TUBGCP3: variants seen among roughly 807,000 people sequenced by gnomAD.
The protein encoded by TUBGCP3 is tubulin gamma complex component 3.
In TUBGCP3, 50 loss-of-function variants were observed where a neutral mutation model predicts 123.1. That is an observed-to-expected ratio of 0.41 (90% CI 0.32 to 0.51). The LOEUF is 0.51. TUBGCP3 is among the 20% of genes least tolerant of loss of function. TUBGCP3 has a pLI of 0.36. For missense variants in TUBGCP3, 882 were observed against 1,127.0 expected, an observed-to-expected ratio of 0.78 and a Z score of 3.11; for synonymous variants, 405 against 413.9, an observed-to-expected ratio of 0.98 and a Z score of 0.26.
At chr13:112,562,066 G>C (rs1208884844) in intron 3 of TUBGCP3, among the ~76,000 whole-genome samples, 1 of 151,722 alleles carries the variant, frequency 6.6e-6, no homozygotes, top group East Asian at 2.0e-4. Context: ...AACACTACCA[G>C]CCAGGAGCAA....
At chr13:112,539,969 C>A (rs1878376776) in intron 11 of TUBGCP3, among the ~76,000 whole-genome samples, 1 of 144,188 alleles carries the variant, frequency 6.9e-6, no homozygotes, top group Non-Finnish European at 1.5e-5. Flanking sequence ...AATGTAGTAG[C>A]CTATGAGCCT....
At chr13:112,535,977 T>A (rs1050075594) in intron 11 of TUBGCP3, among the ~76,000 whole-genome samples, 2 of 152,250 alleles carry the variant, frequency 1.3e-5, no homozygotes, top group Non-Finnish European at 2.9e-5. Context: ...TGCATTCTTC[T>A]ACATGCATCC....
intron 20 of TUBGCP3, among the ~76,000 whole-genome samples, chr13:112,498,588 T>C (rs1004839494): frequency 6.6e-6 from 1 of 152,228 alleles, no homozygotes; most frequent in African/African-American, 2.4e-5. Flanking sequence ...ATCTATATTA[T>C]ATTAAATGCA....
intron 21 of TUBGCP3, 89 bp downstream of exon 21, chr13:112,489,492 G>A: frequency 2.2e-6 from 2 of 908,054 alleles, no homozygotes; most frequent in Non-Finnish European, 1.8e-6. Context: ...TGACAGGGCT[G>A]ACTCTGCTCT....
At chr13:112,571,549 C>T (rs764746844) in intron 1 of TUBGCP3, among the ~76,000 whole-genome samples, 58 of 152,184 alleles carry the variant, frequency 3.8e-4, no homozygotes, top group Non-Finnish European at 2.4e-4. Context: ...GAATGGTCAA[C>T]GAGCACTGGC....
intron 17 of TUBGCP3, among the ~76,000 whole-genome samples, chr13:112,510,243 T>TTGTTCAGGCA (rs1354451627): frequency 6.6e-6 from 1 of 152,206 alleles, no homozygotes; most frequent in African/African-American, 2.4e-5. Flanking sequence ...TCTTAAGGAC[T>TTGTTCAGGCA]TGTTCAGGCA....
intron 1 of TUBGCP3, among the ~76,000 whole-genome samples, chr13:112,584,900 C>T (rs574045528): frequency 1.2e-4 from 19 of 152,306 alleles, no homozygotes; most frequent in African/African-American, 4.6e-4. Context: ...CAGGATTTGA[C>T]TATGACTGGC....
intron 11 of TUBGCP3, among the ~76,000 whole-genome samples, chr13:112,535,678 G>GT (rs1566558691): frequency 5.3e-5 from 8 of 152,150 alleles, no homozygotes; most frequent in Non-Finnish European, 1.2e-4. Context: ...TGGGATACTA[G>GT]ACCATTATCA....
At chr13:112,561,558 C>CA (rs1880517490) in intron 3 of TUBGCP3, among the ~76,000 whole-genome samples, 1 of 152,218 alleles carries the variant, frequency 6.6e-6, no homozygotes, top group Middle Eastern at 3.4e-3. Flanking sequence ...TCATGGGGGG[C>CA]AAGATCAATG....
Position 112,527,413 on chromosome 13 carries a change from C to A in TUBGCP3, c.1407G>T (p.Ser469=). The A allele has an allele frequency of 1.3e-6, 2 of 1,596,644 alleles. No homozygotes were observed. The highest frequency in any genetic ancestry group is 1.7e-6 in the Non-Finnish European group (2 of 1,174,796). ...CCATCGTCATAAACGAAGGAATCAT[C>A]GATTTCCTCAAAGTATACTTGTCGT... is the stretch of plus-strand genomic sequence containing the variant. The part of the protein sequence containing the change: ...LWHDKYTLRK[S]MIPSFMTMDQ... The change falls in exon 12 of 22, where the codon TCG becomes TCT. Residue 469 remains serine, a synonymous_variant. Transcript: ENST00000261965.
At chr13:112,591,787 C>T (rs113729501), upstream of TUBGCP3, among the ~76,000 whole-genome samples, 892 of 152,360 alleles carry the variant, frequency 5.9e-3, 7 homozygotes, top group African/African-American at 0.02. Context: ...TAAAAGTCCA[C>T]ATACCTTAAT....
In TUBGCP3 at chr13:112,504,015, G is replaced by T. The variant is rs374347551; in HGVS notation, c.2307+17C>A. Reference sequence around the variant, plus strand: ...GATTCTTTTGGTTTCTTGTTTCTAAGCAGGTCGGAGTCTTACCCTGGAGTC... The same window carrying T: ...GATTCTTTTGGTTTCTTGTTTCTAATCAGGTCGGAGTCTTACCCTGGAGTC... On this transcript the variant is annotated intron_variant, in intron 19 of 21. Coordinates refer to ENST00000261965, the MANE Select transcript of TUBGCP3 (RefSeq NM_006322.6). 6.3e-7 allele frequency: 1 copy of T among 1,584,806 alleles called. No individual in the cohort carries two copies. Among genetic ancestry groups the T allele is most frequent in the South Asian group, 1.2e-5 (1 of 86,950 alleles).
At position 112,485,294 on chromosome 13, in the gene TUBGCP3, G is replaced by A. The variant is rs1323696998; in HGVS notation, c.*699C>T. ...ACGCTGCTTTAGCTGATGCATTCGC[G>A]GTATTTGGGTTGCACTGTATAAGAG... On this transcript the variant is annotated 3_prime_UTR_variant, in exon 22 of 22. Coordinates refer to ENST00000261965, the MANE Select transcript of TUBGCP3 (RefSeq NM_006322.6). 6.6e-6 allele frequency: 1 copy of A among 152,350 alleles called. No homozygotes were observed. Among genetic ancestry groups the A allele is most frequent in the African/African-American group, 2.4e-5 (1 of 41,340 alleles). The allele number at this position is 152,350 out of a possible 1,614,324, so 9.4% of individuals were successfully genotyped here.
chr13:112,580,469 A>G (rs1882207929), intron 1 of TUBGCP3, among the ~76,000 whole-genome samples: 1 of 152,192 alleles, frequency 6.6e-6, no homozygotes, highest in East Asian at 1.9e-4. Context: ...CTTCTCAAAA[A>G]AAAAATTCTA....
upstream of TUBGCP3, among the ~76,000 whole-genome samples, chr13:112,588,903 CTG>C (rs1175301695): frequency 6.6e-6 from 1 of 152,248 alleles, no homozygotes; most frequent in Non-Finnish European, 1.5e-5. Flanking sequence ...ACACACGTGA[CTG>C]TCTGCAAAGC....
At chr13:112,579,377 G>A (rs188059814) in intron 1 of TUBGCP3, among the ~76,000 whole-genome samples, 11 of 149,996 alleles carry the variant, frequency 7.3e-5, no homozygotes, top group South Asian at 2.1e-4. Flanking sequence ...GAATGCCCGC[G>A]GGGCCACGGC....
intron 3 of TUBGCP3, among the ~76,000 whole-genome samples, chr13:112,562,487 G>A (rs1057111377): frequency 1.3e-5 from 2 of 152,208 alleles, no homozygotes; most frequent in Admixed American, 6.5e-5. Flanking sequence ...AGCAGCAGGG[G>A]AGATGAGTTT....
intron 20 of TUBGCP3, among the ~76,000 whole-genome samples, chr13:112,490,689 G>A (rs1880024377): frequency 6.6e-6 from 1 of 152,144 alleles, no homozygotes; most frequent in Non-Finnish European, 1.5e-5. Context: ...TTTCATGTGA[G>A]ATTTCTCCAT....
Position 112,548,193 on chromosome 13 carries a change from T to C in TUBGCP3, c.967-17A>G, listed in dbSNP as rs751829631. 6.3e-7 allele frequency: 1 copy of C among 1,591,156 alleles called. No individual in the cohort carries two copies. The highest frequency in any genetic ancestry group is 1.7e-5 in the Admixed American group (1 of 59,302). Reference sequence around the variant, plus strand: ...ACAAAAGCTCTGTTTGGAGGAGAAATATAATTAAAGCACGACACACTCATT... The same window carrying C: ...ACAAAAGCTCTGTTTGGAGGAGAAACATAATTAAAGCACGACACACTCATT... On this transcript the variant is annotated splice_polypyrimidine_tract_variant and intron_variant, in intron 8 of 21. Transcript: ENST00000261965.
Sources: gnomAD v4.1 joint callset for allele counts (sites outside exome capture counted in the v4.1 genomes callset) on GRCh38, gnomAD v4.1.1 for gene constraint, MANE v1.5 for transcripts, NCBI Gene and HGNC (gene_info 2026-07-23, HGNC 2026-07-21) for gene names.